The following NFIB variants were observed in gnomAD, a reference collection of about 807,000 sequenced individuals.
NFIB encodes the protein nuclear factor I B.
A neutral mutation model predicts 61.5 loss-of-function variants in NFIB; 11 were observed. The ratio of observed to expected loss-of-function variants is 0.18; its 90% CI spans 0.11 to 0.30. The LOEUF is 0.30. Among genes scored for constraint, NFIB ranks in the 10% least tolerant of loss-of-function variants. NFIB has a pLI of 1.00. For missense variants in NFIB, 471 were observed against 608.9 expected (o/e 0.77, Z 2.38); for synonymous variants, 260 against 216.5 (o/e 1.20, Z -1.76).
chr9:14,357,250 T>A (rs2061186768), intron 1 of NFIB: 1 of 152,228 alleles, frequency 6.6e-6, no homozygotes, highest in Admixed American at 6.5e-5. Context: ...TTCCTCTTCT[T>A]TCCTGCAAGT....
intron 1 of NFIB, among the ~76,000 whole-genome samples, chr9:14,348,881 G>A (rs1316053336): frequency 6.6e-6 from 1 of 152,270 alleles, no homozygotes; most frequent in Non-Finnish European, 1.5e-5. Context: ...CACGAAGCTT[G>A]CGCCTTCATG....
At chr9:14,418,111 G>A in the NFIB span, among the ~76,000 whole-genome samples, 2 of 152,228 alleles carry the variant, frequency 1.3e-5, no homozygotes, top group South Asian at 4.2e-4. Flanking sequence ...AGCACCCCAG[G>A]AAGTGTTAAT....
At chr9:14,459,467 C>A in the NFIB span, among the ~76,000 whole-genome samples, 2 of 152,162 alleles carry the variant, frequency 1.3e-5, no homozygotes, top group South Asian at 4.1e-4. Context: ...GTAAGGACTT[C>A]ATGTCTAAAA....
At chr9:14,094,974 T>A (rs2034552692) in intron 10 of NFIB, among the ~76,000 whole-genome samples, 1 of 152,066 alleles carries the variant, frequency 6.6e-6, no homozygotes, top group South Asian at 2.1e-4. Flanking sequence ...AATAATAGCA[T>A]CTACCATTGA....
chr9:14,493,095 G>A, the NFIB span, among the ~76,000 whole-genome samples: 1 of 152,166 alleles, frequency 6.6e-6, no homozygotes, highest in East Asian at 1.9e-4. Context: ...AACTCACTCA[G>A]TTCTTCTCAC....
the NFIB span, among the ~76,000 whole-genome samples, chr9:14,426,777 A>G: frequency 1.3e-5 from 2 of 152,146 alleles, no homozygotes; most frequent in East Asian, 1.9e-4. Flanking sequence ...GGCCCCTCCC[A>G]TATCACATCG....
intron 8 of NFIB, among the ~76,000 whole-genome samples, chr9:14,119,799 T>C (rs2038685751): frequency 6.6e-6 from 1 of 152,172 alleles, no homozygotes; most frequent in South Asian, 2.1e-4. Flanking sequence ...AAGTAACCTC[T>C]TGGTAGAAGA....
chr9:14,447,022 T>C, the NFIB span, among the ~76,000 whole-genome samples: 2 of 152,194 alleles, frequency 1.3e-5, no homozygotes, highest in Admixed American at 6.5e-5. Flanking sequence ...AACATGCTTT[T>C]ATCACATATG....
chr9:14,481,197 G>GTATGTATATATATATATATATATATA, the NFIB span, among the ~76,000 whole-genome samples: 3 of 45,824 alleles, frequency 6.5e-5, no homozygotes, highest in African/African-American at 2.8e-4. Context: ...GTGTGTGTGT[G>GTATGTATATATATATATATATATATA]TATATATATA....
intron 1 of NFIB, among the ~76,000 whole-genome samples, chr9:14,371,148 C>T (rs971223380): frequency 6.6e-6 from 1 of 152,024 alleles, no homozygotes; most frequent in Admixed American, 6.6e-5. Context: ...CAAAAACACA[C>T]ACACACCAAC....
At chr9:14,424,978 C>T in the NFIB span, among the ~76,000 whole-genome samples, 1 of 152,030 alleles carries the variant, frequency 6.6e-6, no homozygotes, top group African/African-American at 2.4e-5. Context: ...GTTCCAATCT[C>T]CCCCCCTGGG....
chr9:14,102,567 A>G, intron 10 of NFIB: 1 of 1,424,424 alleles, frequency 7.0e-7, no homozygotes, highest in Non-Finnish European at 9.6e-7. Context: ...AGTTTTTAGT[A>G]TTTAAATGAA....
At chr9:14,256,129 T>C (rs1563949390) in intron 2 of NFIB, among the ~76,000 whole-genome samples, 1 of 152,290 alleles carries the variant, frequency 6.6e-6, no homozygotes, top group East Asian at 1.9e-4. Flanking sequence ...AAAATATTCA[T>C]TTTGACCCAC....
chr9:14,464,345 T>G, the NFIB span, among the ~76,000 whole-genome samples: 1 of 152,166 alleles, frequency 6.6e-6, no homozygotes, highest in Non-Finnish European at 1.5e-5. Context: ...GTAAACCCAG[T>G]GCATGACATA....
chr9:14,502,916 T>G, the NFIB span, among the ~76,000 whole-genome samples: 1 of 152,018 alleles, frequency 6.6e-6, no homozygotes, highest in Non-Finnish European at 1.5e-5. Context: ...CATTGTATCA[T>G]TCTTATGCCT....
chr9:14,382,239 G>A (rs565068743), intron 1 of NFIB, among the ~76,000 whole-genome samples: 1 of 152,296 alleles, frequency 6.6e-6, no homozygotes, highest in South Asian at 2.1e-4. Context: ...AAGCAAAGAA[G>A]AGGCTTCTTG....
chr9:14,506,837 T>C, the NFIB span, among the ~76,000 whole-genome samples: 2 of 152,172 alleles, frequency 1.3e-5, no homozygotes, highest in South Asian at 2.1e-4. Context: ...ATGGGAGCTG[T>C]TGATAGGAGA....
intron 2 of NFIB, among the ~76,000 whole-genome samples, chr9:14,222,615 C>G (rs1400480752): frequency 6.6e-6 from 1 of 151,810 alleles, no homozygotes; most frequent in Non-Finnish European, 1.5e-5. Context: ...CCAGCCTGGG[C>G]AACAAAGTGA....
chr9:14,497,141 C>G, the NFIB span, among the ~76,000 whole-genome samples: 1 of 152,198 alleles, frequency 6.6e-6, no homozygotes, highest in Non-Finnish European at 1.5e-5. Context: ...ATTTGAGGGT[C>G]TTAAGTTATA....
Sources: allele counts gnomAD v4.1 joint callset (sites outside exome capture counted in the v4.1 genomes callset), GRCh38; gene constraint gnomAD v4.1.1; transcripts MANE v1.5; gene names NCBI Gene and HGNC (gene_info 2026-07-23, HGNC 2026-07-21).